LHFPL3: variants seen among roughly 807,000 people sequenced by gnomAD.
LHFPL3 encodes LHFPL tetraspan subfamily member 3 protein.
Under a neutral mutation model 19.3 loss-of-function variants are expected in LHFPL3, and 5 were observed. That is an observed-to-expected ratio of 0.26 (90% CI 0.14 to 0.54). The LOEUF (loss-of-function observed/expected upper bound fraction) is 0.54. Ranked by LOEUF, LHFPL3 falls within the 20% of genes least tolerant of loss-of-function variation. The pLI, the probability that LHFPL3 is intolerant of heterozygous loss-of-function variation, is 0.94. For missense variants in LHFPL3, 249 were observed against 307.4 expected (o/e 0.81, Z 1.42); for synonymous variants, 133 against 126.2 (o/e 1.05, Z -0.36).
intron 1 of LHFPL3, among the ~76,000 whole-genome samples, chr7:104,414,199 A>G (rs1791581330): frequency 6.6e-6 from 1 of 152,176 alleles, no homozygotes; most frequent in African/African-American, 2.4e-5. Context: ...GTCATGCTGA[A>G]AATGATTAAC....
intron 1 of LHFPL3, among the ~76,000 whole-genome samples, chr7:104,638,944 T>C (rs1055224974): frequency 1.3e-5 from 2 of 151,710 alleles, no homozygotes; most frequent in Non-Finnish European, 2.9e-5. Context: ...TTTTTTTTTT[T>C]GGTAGAAACA....
At chr7:104,634,966 A>G (rs1313269209) in intron 1 of LHFPL3, among the ~76,000 whole-genome samples, 1 of 152,238 alleles carries the variant, frequency 6.6e-6, no homozygotes, top group Non-Finnish European at 1.5e-5. Flanking sequence ...GACACAGAAC[A>G]GAATCAAATG....
chr7:104,405,585 G>C (rs1046782865), intron 1 of LHFPL3, among the ~76,000 whole-genome samples: 1 of 152,186 alleles, frequency 6.6e-6, no homozygotes, highest in South Asian at 2.1e-4. Context: ...TATAAATTGA[G>C]ACAGAGAAGG....
intron 2 of LHFPL3, among the ~76,000 whole-genome samples, chr7:104,855,000 G>C (rs376858514): frequency 6.6e-6 from 1 of 152,184 alleles, no homozygotes; most frequent in African/African-American, 2.4e-5. Flanking sequence ...TTAGTCTGGC[G>C]TGGGAAGCTT....
intron 2 of LHFPL3, among the ~76,000 whole-genome samples, chr7:104,795,042 T>G (rs991544821): frequency 6.6e-6 from 1 of 152,216 alleles, no homozygotes. Flanking sequence ...CTTTTTATTT[T>G]CTTCTAAAGC....
intron 1 of LHFPL3, among the ~76,000 whole-genome samples, chr7:104,609,309 T>A (rs1228630652): frequency 6.6e-6 from 1 of 152,110 alleles, no homozygotes; most frequent in Non-Finnish European, 1.5e-5. Flanking sequence ...TTAGTTTTAT[T>A]ATCTTAATGG....
chr7:104,461,521 C>A (rs557835974), intron 1 of LHFPL3, among the ~76,000 whole-genome samples: 5 of 152,290 alleles, frequency 3.3e-5, no homozygotes, highest in Non-Finnish European at 5.9e-5. Flanking sequence ...TATAAGTATG[C>A]AGCCTTATTT....
intron 1 of LHFPL3, among the ~76,000 whole-genome samples, chr7:104,636,201 A>G (rs907337470): frequency 1.3e-5 from 2 of 152,164 alleles, no homozygotes; most frequent in Non-Finnish European, 2.9e-5. Flanking sequence ...AAAGGAAATT[A>G]AGAGCTTTTT....
At chr7:104,735,845 C>T (rs962563555) in intron 1 of LHFPL3, among the ~76,000 whole-genome samples, 6 of 152,120 alleles carry the variant, frequency 3.9e-5, no homozygotes, top group East Asian at 3.9e-4. Flanking sequence ...ATTTTGGAAC[C>T]GCCATAACAC....
At chr7:104,816,615 C>T (rs1461866368) in intron 2 of LHFPL3, among the ~76,000 whole-genome samples, 4 of 152,192 alleles carry the variant, frequency 2.6e-5, no homozygotes, top group Non-Finnish European at 5.9e-5. Context: ...GTCTCTTAAG[C>T]CCCATCTGAA....
intron 2 of LHFPL3, chr7:104,826,810 T>G: frequency 6.4e-6 from 1 of 157,298 alleles, no homozygotes; most frequent in Non-Finnish European, 1.4e-5. Flanking sequence ...TCTCTCTACT[T>G]TGGTGACTCT....
In LHFPL3 at chr7:104,729,890, C is replaced by T. The variant is rs189509892; in HGVS notation, c.446-6785C>T. Among the ~76,000 whole-genome samples the T allele has an allele frequency of 2.8e-3, 422 of 151,682 alleles. 7 individuals carry two copies. The highest frequency in any genetic ancestry group is 0.025 in the Admixed American group (379 of 15,216). ...AGGTATATCTCCTAATGCTATCCCTCCCCACTCCCCCCACCCCACAACAGG... is the reference window on the plus strand; with the variant it reads ...AGGTATATCTCCTAATGCTATCCCTTCCCACTCCCCCCACCCCACAACAGG... On this transcript the variant is annotated intron_variant, in intron 1 of 2. Coordinates refer to ENST00000424859, the MANE Select transcript of LHFPL3 (RefSeq NM_199000.3).
chr7:104,601,966 T>C (rs10272959), intron 1 of LHFPL3, among the ~76,000 whole-genome samples: 4 of 150,606 alleles, frequency 2.7e-5, no homozygotes, highest in African/African-American at 7.4e-5. Flanking sequence ...CAAAATGTCA[T>C]CTCCTTCAAA....
chr7:104,765,783 C>A (rs1169698045), intron 2 of LHFPL3, among the ~76,000 whole-genome samples: 3 of 152,208 alleles, frequency 2.0e-5, no homozygotes, highest in Non-Finnish European at 4.4e-5. Flanking sequence ...CCCAACAGGT[C>A]TTTCAGTGGG....
chr7:104,446,564 TA>T (rs1352780095), intron 1 of LHFPL3, among the ~76,000 whole-genome samples: 1 of 152,160 alleles, frequency 6.6e-6, no homozygotes, highest in African/African-American at 2.4e-5. Flanking sequence ...GTTTTTATTT[TA>T]TTTTTTTATT....
chr7:104,638,186 C>T (rs772911483), intron 1 of LHFPL3, among the ~76,000 whole-genome samples: 1 of 152,126 alleles, frequency 6.6e-6, no homozygotes, highest in African/African-American at 2.4e-5. Context: ...ATTTGGCTCT[C>T]AGCTTGGCTG....
chr7:104,839,685 G>T (rs10262655), intron 2 of LHFPL3, among the ~76,000 whole-genome samples: 14,510 of 140,148 alleles, frequency 0.1, 1,486 homozygotes, highest in East Asian at 0.44. Flanking sequence ...AGAAAAAAAA[G>T]AAAGAAAAAA....
At chr7:104,364,985 T>C (rs575353721) in intron 1 of LHFPL3, among the ~76,000 whole-genome samples, 1 of 152,278 alleles carries the variant, frequency 6.6e-6, no homozygotes, top group African/African-American at 2.4e-5. Context: ...AGAGGATTTC[T>C]ACCATTTAAA....
At chr7:104,512,198 AC>A in intron 1 of LHFPL3, among the ~76,000 whole-genome samples, 1 of 151,228 alleles carries the variant, frequency 6.6e-6, no homozygotes. Flanking sequence ...CAAGTGATCC[AC>A]CCGCCTCAGC....
Sources: allele counts gnomAD v4.1 joint callset (sites outside exome capture counted in the v4.1 genomes callset), GRCh38; gene constraint gnomAD v4.1.1; transcripts MANE v1.5; gene names NCBI Gene and HGNC (gene_info 2026-07-23, HGNC 2026-07-21).